XPO7: variants seen among roughly 807,000 people sequenced by gnomAD.
XPO7 encodes exportin 7.
In XPO7, 21 loss-of-function variants were observed where a neutral mutation model predicts 144.3. The observed-to-expected ratio is 0.15, with a 90% CI of 0.10 to 0.21. XPO7 has a LOEUF of 0.21. Ranked by LOEUF, XPO7 falls within the 10% of genes least tolerant of loss-of-function variation. The probability of loss-of-function intolerance (pLI) is 1.00; values close to 1 mark genes in which losing one functional copy is unlikely to be tolerated. For synonymous variants in XPO7, 580 were observed against 499.6 expected (o/e 1.16, Z -2.15); for missense variants, 808 against 1,325.8 (o/e 0.61, Z 6.06).
Position 21,970,289 on chromosome 8 carries a change from A to G in XPO7, c.405A>G (p.Thr135=), listed in dbSNP as rs754094201. 9 of 1,613,684 alleles carry G rather than the reference A, an allele frequency of 5.6e-6. No homozygotes were observed. Among genetic ancestry groups the G allele is most frequent in the Non-Finnish European group, 7.6e-6 (9 of 1,179,782 alleles). ...ACTATGTCTTCAGAAATGCAATCAC[A>G]GACGTCACAAGGTTTTTACAGGTAC... ...KDDYVFRNAI[T]DVTRFLQDSV... The change falls in exon 4 of 28, where the codon ACA becomes ACG. Residue 135 remains threonine, a synonymous_variant. Coordinates refer to ENST00000252512, the MANE Select transcript of XPO7 (RefSeq NM_015024.5).
chr8:21,977,622 C>A (rs1273476217), intron 7 of XPO7, 148 bp from the exon 8 acceptor site: 2 of 679,550 alleles, frequency 2.9e-6, no homozygotes, highest in Non-Finnish European at 4.7e-6. Flanking sequence ...CCAAAAAGCC[C>A]CTATTTGCTT....
rs771291567 is a variant in XPO7, at chr8:21,919,802, CG to C, written c.18+21del. ...GATCATGTGCAGGTGAGAGGAGCCG[CG>C]GGGGGGAGGGGGCGACCACGAAGAG... On this transcript the variant is annotated intron_variant, in intron 1 of 27. Transcript: ENST00000252512. 79 of 504,124 alleles carry C rather than the reference CG, an allele frequency of 1.6e-4. No individual in the cohort carries two copies. Among genetic ancestry groups the C allele is most frequent in the Non-Finnish European group, 1.9e-4 (65 of 336,076 alleles). 31.2% of individuals were successfully genotyped at this position (504,124 alleles called of 1,614,324 possible). A position where few individuals can be genotyped will look rare whatever the true frequency, so the allele number is the denominator to read the frequency against.
chr8:21,933,813 C>T (rs1293742303), intron 1 of XPO7, among the ~76,000 whole-genome samples: 1 of 152,124 alleles, frequency 6.6e-6, no homozygotes, highest in Non-Finnish European at 1.5e-5. Context: ...ACTAGAATCA[C>T]ATCGTTTTTA....
At chr8:21,949,586 A>G (rs1427837359) in intron 1 of XPO7, among the ~76,000 whole-genome samples, 1 of 152,252 alleles carries the variant, frequency 6.6e-6, no homozygotes, top group Non-Finnish European at 1.5e-5. Context: ...TATGGTGAAC[A>G]TTATGGGAGT....
chr8:21,961,052 A>G (rs1213611563), intron 1 of XPO7, among the ~76,000 whole-genome samples: 1 of 152,208 alleles, frequency 6.6e-6, no homozygotes, highest in Non-Finnish European at 1.5e-5. Flanking sequence ...GGTAACCAGC[A>G]CACAAATTAA....
intron 12 of XPO7, among the ~76,000 whole-genome samples, 170 bp downstream of exon 12, chr8:21,985,009 G>T (rs1014707306): frequency 1.3e-5 from 2 of 152,202 alleles, no homozygotes; most frequent in Admixed American, 6.5e-5. Flanking sequence ...AAGGGACTAG[G>T]GAAGAAGAAC....
intron 1 of XPO7, among the ~76,000 whole-genome samples, chr8:21,945,485 T>C (rs761034893): frequency 3.9e-5 from 6 of 152,202 alleles, no homozygotes; most frequent in South Asian, 4.1e-4. Flanking sequence ...AAAAACTACA[T>C]AGGTGTAAAA....
intron 16 of XPO7, among the ~76,000 whole-genome samples, chr8:21,989,821 C>CTTT (rs1170364778): frequency 0.011 from 631 of 59,712 alleles, 174 homozygotes; most frequent in Non-Finnish European, 0.016. Context: ...TAGGTGTTTC[C>CTTT]TTTTTTTTTT....
intron 1 of XPO7, among the ~76,000 whole-genome samples, chr8:21,929,296 G>A (rs901062338): frequency 6.6e-6 from 1 of 152,202 alleles, no homozygotes; most frequent in African/African-American, 2.4e-5. Flanking sequence ...CCTGGATGTC[G>A]ATAAAAATAA....
chr8:21,956,390 C>T (rs1417414045), intron 1 of XPO7, among the ~76,000 whole-genome samples: 1 of 152,156 alleles, frequency 6.6e-6, no homozygotes, highest in African/African-American at 2.4e-5. Flanking sequence ...AGTGGTGTGC[C>T]TCGGGTGTGG....
chr8:22,003,782 C>T, intron 26 of XPO7, 121 bp from the exon 27 acceptor site: 3 of 1,429,566 alleles, frequency 2.1e-6, no homozygotes, highest in Non-Finnish European at 1.9e-6. Context: ...TTTAAGGGTC[C>T]AATTTTAGTA....
At chr8:21,950,180 C>T (rs1311835385) in intron 1 of XPO7, among the ~76,000 whole-genome samples, 1 of 152,170 alleles carries the variant, frequency 6.6e-6, no homozygotes, top group African/African-American at 2.4e-5. Context: ...AAATCTTTTA[C>T]GTTTCTGAAG....
In XPO7 at chr8:21,950,190, G is replaced by C. The variant is rs554711667; in HGVS notation, c.19-16667G>C. 1.0e-3 allele frequency among the ~76,000 whole-genome samples: 158 copies of C among 152,220 alleles called. 2 individuals are homozygous for C. The highest frequency in any genetic ancestry group is 3.8e-4 in the Non-Finnish European group (26 of 68,034). The stretch of plus-strand genomic sequence containing the variant: ...TTGGGAAATCTTTTACGTTTCTGAA[G>C]AGAGTGTGGGTAGTTGTAAGGACTT... On this transcript the variant is annotated intron_variant, in intron 1 of 27. Transcript: ENST00000252512.
chr8:21,958,961 C>CAAA (rs34867010), intron 1 of XPO7, among the ~76,000 whole-genome samples: 1 of 123,098 alleles, frequency 8.1e-6, no homozygotes, highest in African/African-American at 2.9e-5. Flanking sequence ...ACTCTGTCTC[C>CAAA]AAAAAAAAAA....
chr8:21,980,843 A>C (rs1812385445), intron 9 of XPO7, among the ~76,000 whole-genome samples: 1 of 152,020 alleles, frequency 6.6e-6, no homozygotes, highest in Middle Eastern at 3.5e-3. Context: ...GTTTATCGGT[A>C]ACCTAAGTAT....
chr8:21,980,784 A>G (rs990119373), intron 9 of XPO7, among the ~76,000 whole-genome samples: 1 of 152,244 alleles, frequency 6.6e-6, no homozygotes, highest in African/African-American at 2.4e-5. Flanking sequence ...CAAAAAAAAA[A>G]AAAAAACTAA....
Position 22,005,056 on chromosome 8 carries a change from T to C in XPO7, c.3232T>C (p.Tyr1078His), listed in dbSNP as rs1192633008. Residue 1078 changes from tyrosine to histidine, a missense_variant, in exon 28 of 28, where the codon TAT becomes CAT. Physicochemically the swap from Tyr to His is moderately conservative, Grantham distance 83. This residue lies in a region of XPO7 where 140 missense variants were observed against 237.9 expected (regional missense o/e 0.59). Transcript: ENST00000252512. ...EVNDSMKNST[Y>H]GVNSNDMMS The stretch of plus-strand genomic sequence containing the variant: ...CAACGACTCAATGAAGAATTCCACT[T>C]ATGGCGTGAATAGCAATGACATGAT... The C allele has an allele frequency of 6.2e-7, 1 of 1,612,796 alleles. No homozygotes were observed. The highest frequency in any genetic ancestry group is 8.5e-7 in the Non-Finnish European group (1 of 1,179,438).
intron 1 of XPO7, among the ~76,000 whole-genome samples, chr8:21,961,043 G>A (rs1256420229): frequency 6.6e-6 from 1 of 152,092 alleles, no homozygotes; most frequent in African/African-American, 2.4e-5. Context: ...ACATGCCTGG[G>A]TAACCAGCAC....
chr8:21,943,522 G>C (rs889958141), intron 1 of XPO7, among the ~76,000 whole-genome samples: 11 of 152,258 alleles, frequency 7.2e-5, no homozygotes, highest in African/African-American at 2.2e-4. Context: ...AAGAAATTTA[G>C]ATTTAAGGAT....
Sources: gnomAD v4.1 joint callset for allele counts (sites outside exome capture counted in the v4.1 genomes callset) on GRCh38, gnomAD v4.1.1 for gene constraint, gnomAD v4.1.1 regional missense constraint, MANE v1.5 for transcripts, NCBI Gene and HGNC (gene_info 2026-07-23, HGNC 2026-07-21) for gene names.